Variants in MACROD2 observed in about 807,000 individuals in gnomAD.
MACROD2 encodes the protein mono-ADP ribosylhydrolase 2.
MACROD2 carries 36 observed loss-of-function variants against 70.4 expected under a neutral mutation model. The observed-to-expected ratio is 0.51, with a 90% CI of 0.39 to 0.68. The LOEUF (loss-of-function observed/expected upper bound fraction) is 0.68. MACROD2 is among the 30% of genes least tolerant of loss of function. The pLI is 0.00. For synonymous variants in MACROD2, 172 were observed against 178.8 expected (o/e 0.96, Z 0.30); for missense variants, 496 against 538.4 (o/e 0.92, Z 0.78).
intron 10 of MACROD2, among the ~76,000 whole-genome samples, chr20:15,913,178 C>G (rs2065261432): frequency 6.6e-6 from 1 of 151,904 alleles, no homozygotes; most frequent in Admixed American, 6.6e-5. Context: ...ATTATTATTT[C>G]TTCTGGAGAA....
intron 8 of MACROD2, among the ~76,000 whole-genome samples, chr20:15,851,258 C>T (rs956902989): frequency 2.0e-5 from 3 of 151,516 alleles, no homozygotes; most frequent in Non-Finnish European, 2.9e-5. Flanking sequence ...GCAAAGGCTT[C>T]GGCTGATCCC....
intron 8 of MACROD2, among the ~76,000 whole-genome samples, chr20:15,781,011 A>C (rs918816437): frequency 3.9e-5 from 6 of 152,128 alleles, no homozygotes; most frequent in African/African-American, 1.4e-4. Context: ...TCTAAATCCT[A>C]GCTATCTTTT....
intron 10 of MACROD2, among the ~76,000 whole-genome samples, chr20:15,900,095 TGC>T (rs2065042582): frequency 1.3e-5 from 2 of 152,168 alleles, no homozygotes; most frequent in Non-Finnish European, 2.9e-5. Flanking sequence ...TCTTTCAGAA[TGC>T]CATGCAGCAG....
chr20:14,242,604 T>G (rs2081938742), intron 3 of MACROD2, among the ~76,000 whole-genome samples: 1 of 152,174 alleles, frequency 6.6e-6, no homozygotes, highest in Non-Finnish European at 1.5e-5. Context: ...AACATTTAGG[T>G]GTTAATTACC....
chr20:15,371,496 G>A lies in MACROD2; in HGVS notation c.541-59909G>A, dbSNP rs559030476. ...AGTTTAATAATCACTTAAACTGGTG[G>A]TGAGTAAAGACCACCAACAGTGCTA... On this transcript the variant is annotated intron_variant, in intron 6 of 17. Transcript: ENST00000684519. 2.0e-5 allele frequency among the ~76,000 whole-genome samples: 3 copies of A among 152,272 alleles called. No individual in the cohort carries two copies. The South Asian group carries it at 6.2e-4, about 32-fold the overall frequency.
chr20:15,821,130 A>G lies in MACROD2; in HGVS notation c.646-41615A>G, dbSNP rs1222902425. 3.3e-5 allele frequency among the ~76,000 whole-genome samples: 5 copies of G among 152,210 alleles called. No homozygotes were observed. The East Asian group carries it at 9.6e-4, about 29-fold the overall frequency. ...TAATGACCATAAATTCTTAATTTTAATAAAATTCAGTTCTTCTCCTTTATA... is the reference window on the plus strand; with the variant it reads ...TAATGACCATAAATTCTTAATTTTAGTAAAATTCAGTTCTTCTCCTTTATA... On this transcript the variant is annotated intron_variant, in intron 8 of 17. Coordinates refer to ENST00000684519, the MANE Select transcript of MACROD2 (RefSeq NM_001351661.2).
At chr20:14,971,310 C>A (rs1388472336) in intron 5 of MACROD2, among the ~76,000 whole-genome samples, 1 of 151,520 alleles carries the variant, frequency 6.6e-6, no homozygotes, top group Admixed American at 6.6e-5. Flanking sequence ...GGGTAACCAT[C>A]AAAAATATTG....
At chr20:15,333,072 T>C (rs1402551023) in intron 6 of MACROD2, among the ~76,000 whole-genome samples, 1 of 151,578 alleles carries the variant, frequency 6.6e-6, no homozygotes, top group African/African-American at 2.4e-5. Flanking sequence ...GAAATGAAAG[T>C]AGAGTTCTTT....
At chr20:14,582,449 C>T (rs1345716622) in intron 4 of MACROD2, among the ~76,000 whole-genome samples, 1 of 152,072 alleles carries the variant, frequency 6.6e-6, no homozygotes, top group Non-Finnish European at 1.5e-5. Context: ...CTGATGTCTC[C>T]CAGCAGCGTG....
chr20:15,615,195 A>C (rs2049021027), intron 8 of MACROD2, among the ~76,000 whole-genome samples: 1 of 152,222 alleles, frequency 6.6e-6, no homozygotes, highest in African/African-American at 2.4e-5. Flanking sequence ...ATCGAAATGC[A>C]GACCAGGATG....
chr20:14,469,227 G>C (rs1389862923), intron 3 of MACROD2, among the ~76,000 whole-genome samples: 2 of 152,070 alleles, frequency 1.3e-5, no homozygotes, highest in Non-Finnish European at 2.9e-5. Context: ...GTTGAAAATT[G>C]TTTTCTTTAA....
chr20:15,392,262 G>A (rs905105192), intron 6 of MACROD2, among the ~76,000 whole-genome samples: 1 of 152,006 alleles, frequency 6.6e-6, no homozygotes, highest in African/African-American at 2.4e-5. Flanking sequence ...TATGGTTTGG[G>A]TTCACTAATA....
At position 15,835,611 on chromosome 20, in the gene MACROD2, AATT is replaced by A. The variant is rs560850057; in HGVS notation, c.646-27128_646-27126del. 3.4e-3 allele frequency among the ~76,000 whole-genome samples: 514 copies of A among 152,228 alleles called. 4 individuals carry two copies. The highest frequency in any genetic ancestry group is 0.012 in the African/African-American group (483 of 41,560). On this transcript the variant is annotated intron_variant, in intron 8 of 17. Coordinates refer to ENST00000684519, the MANE Select transcript of MACROD2 (RefSeq NM_001351661.2). ...AATACTAACAATAATTATTAATATC[AATT>A]ATTATATCTATTTGTAAGTGATAGA...
At chr20:15,569,602 A>G (rs1321855757) in intron 8 of MACROD2, among the ~76,000 whole-genome samples, 1 of 152,170 alleles carries the variant, frequency 6.6e-6, no homozygotes, top group African/African-American at 2.4e-5. Context: ...CGATGAGATC[A>G]GATTTTTTGG....
intron 3 of MACROD2, among the ~76,000 whole-genome samples, chr20:14,463,277 A>G (rs1471778262): frequency 1.3e-5 from 2 of 151,910 alleles, no homozygotes; most frequent in South Asian, 2.1e-4. Flanking sequence ...ATTCCTAGGT[A>G]TGTTATTCTC....
chr20:15,377,336 A>C (rs1404158425), intron 6 of MACROD2, among the ~76,000 whole-genome samples: 1 of 152,242 alleles, frequency 6.6e-6, no homozygotes, highest in Non-Finnish European at 1.5e-5. Flanking sequence ...CTGTGATAAA[A>C]AGAAAAAGAG....
intron 6 of MACROD2, among the ~76,000 whole-genome samples, chr20:15,404,499 T>G (rs909851268): frequency 2.6e-5 from 4 of 152,234 alleles, no homozygotes; most frequent in Non-Finnish European, 4.4e-5. Context: ...GGACCACACA[T>G]GTGGATGCCA....
intron 6 of MACROD2, among the ~76,000 whole-genome samples, chr20:15,356,629 C>G (rs2078290405): frequency 1.3e-5 from 2 of 152,036 alleles, no homozygotes; most frequent in African/African-American, 4.8e-5. Context: ...ACTGAAAGTA[C>G]AAAAATTAGC....
intron 4 of MACROD2, among the ~76,000 whole-genome samples, chr20:14,671,217 A>G (rs908914445): frequency 3.9e-5 from 6 of 152,160 alleles, no homozygotes; most frequent in African/African-American, 1.2e-4. Context: ...TTAAATTGGG[A>G]TCATGCGTAT....
Sources: gnomAD v4.1 joint callset for allele counts (sites outside exome capture counted in the v4.1 genomes callset) on GRCh38, gnomAD v4.1.1 for gene constraint, MANE v1.5 for transcripts, NCBI Gene and HGNC (gene_info 2026-07-23, HGNC 2026-07-21) for gene names.